The following THRB variants were observed in gnomAD, a reference collection of about 807,000 sequenced individuals.
THRB encodes thyroid hormone receptor beta, also known as nuclear receptor subfamily 1 group A member 2.
THRB carries 12 observed loss-of-function variants against 47.8 expected under a neutral mutation model. That is an observed-to-expected ratio of 0.25 (90% CI 0.16 to 0.41). The LOEUF (loss-of-function observed/expected upper bound fraction) is 0.41, where lower values mean the gene tolerates loss of function less well. Among genes scored for constraint, THRB ranks in the 10% least tolerant of loss-of-function variants. The pLI is 1.00. For synonymous variants in THRB, 218 were observed against 212.2 expected (o/e 1.03, Z -0.24); for missense variants, 348 against 589.2 (o/e 0.59, Z 4.24).
At chr3:24,328,814 G>C (rs964516374) in intron 2 of THRB, among the ~76,000 whole-genome samples, 1 of 152,052 alleles carries the variant, frequency 6.6e-6, no homozygotes, top group Non-Finnish European at 1.5e-5. Flanking sequence ...TATAAAACTG[G>C]ATCAAACAAT....
At chr3:24,150,687 G>C (rs1280000838) in intron 6 of THRB, among the ~76,000 whole-genome samples, 2 of 152,102 alleles carry the variant, frequency 1.3e-5, no homozygotes, top group Non-Finnish European at 2.9e-5. Flanking sequence ...TCCTCTGTAA[G>C]GCACATTCAC....
At chr3:24,326,487 C>T (rs570218861) in intron 2 of THRB, among the ~76,000 whole-genome samples, 6 of 152,252 alleles carry the variant, frequency 3.9e-5, no homozygotes, top group South Asian at 2.1e-4. Flanking sequence ...CCACCTGCCT[C>T]GGCCTCCCAA....
chr3:24,388,817 C>T (rs1257066046), intron 1 of THRB, among the ~76,000 whole-genome samples: 3 of 152,096 alleles, frequency 2.0e-5, no homozygotes, highest in Admixed American at 2.0e-4. Context: ...TAGCCTACTG[C>T]TTCCCTCAAC....
intron 1 of THRB, among the ~76,000 whole-genome samples, chr3:24,456,834 AG>A (rs1430124391): frequency 1.3e-5 from 2 of 152,036 alleles, no homozygotes; most frequent in African/African-American, 2.4e-5. Context: ...ACCATTAGTT[AG>A]CATCTAACTT....
At chr3:24,495,418 A>T (rs1240878198), upstream of THRB, 5 of 152,728 alleles carry the variant, frequency 3.3e-5, no homozygotes, top group African/African-American at 1.2e-4. Context: ...GCCGACCCCG[A>T]CCCCGACCCC....
chr3:24,203,702 G>T (rs901079355), intron 4 of THRB, among the ~76,000 whole-genome samples: 6 of 152,188 alleles, frequency 3.9e-5, no homozygotes, highest in African/African-American at 1.2e-4. Flanking sequence ...CCGAAGCAGG[G>T]CAAGGCATCA....
intron 5 of THRB, among the ~76,000 whole-genome samples, chr3:24,152,970 AAAAGAAAG>A (rs60859687): frequency 0.43 from 51,458 of 120,172 alleles, 9,937 homozygotes; most frequent in African/African-American, 0.56. Flanking sequence ...CAAAAAAAAA[AAAAGAAAG>A]AAAGAAAGAA....
At chr3:24,466,702 G>A (rs973939510) in intron 1 of THRB, among the ~76,000 whole-genome samples, 9 of 152,164 alleles carry the variant, frequency 5.9e-5, no homozygotes, top group Non-Finnish European at 1.0e-4. Context: ...AGTCTATTAA[G>A]TGTGCAATAG....
At chr3:24,144,236 C>T (rs372958836) in intron 7 of THRB, 23 of 176,840 alleles carry the variant, frequency 1.3e-4, no homozygotes, top group Non-Finnish European at 2.3e-4. Flanking sequence ...GACCCCAACT[C>T]TTCATGGCTC....
intron 1 of THRB, among the ~76,000 whole-genome samples, chr3:24,437,390 G>C (rs1479541305): frequency 2.6e-5 from 4 of 151,910 alleles, no homozygotes; most frequent in Non-Finnish European, 4.4e-5. Context: ...AGAAGGGTAG[G>C]GGGAAGATGA....
chr3:24,265,102 T>TG (rs1258938643), intron 3 of THRB, among the ~76,000 whole-genome samples: 4 of 152,058 alleles, frequency 2.6e-5, no homozygotes, highest in African/African-American at 7.2e-5. Context: ...ATCAGTAGAC[T>TG]GGGGGGAAGA....
At chr3:24,284,475 A>ACCC (rs1014421142) in intron 3 of THRB, among the ~76,000 whole-genome samples, 1 of 151,766 alleles carries the variant, frequency 6.6e-6, no homozygotes, top group Non-Finnish European at 1.5e-5. Flanking sequence ...AACCATAAAA[A>ACCC]CCCTAGAAGA....
chr3:24,360,131 A>G (rs1200764066), intron 1 of THRB, among the ~76,000 whole-genome samples: 1 of 152,036 alleles, frequency 6.6e-6, no homozygotes, highest in African/African-American at 2.4e-5. Flanking sequence ...TCTAAATTCC[A>G]GTGATAGTAG....
chr3:24,336,965 G>A (rs1463650038), intron 2 of THRB, among the ~76,000 whole-genome samples: 1 of 151,902 alleles, frequency 6.6e-6, no homozygotes, highest in Non-Finnish European at 1.5e-5. Context: ...CTCATGATCC[G>A]CCTGCCTTTT....
intron 1 of THRB, among the ~76,000 whole-genome samples, chr3:24,358,750 A>G (rs575697489): frequency 6.6e-6 from 1 of 152,184 alleles, no homozygotes; most frequent in African/African-American, 2.4e-5. Context: ...TTTCCTGTCA[A>G]TTCTCGCATG....
At chr3:24,422,770 G>A (rs1400407316) in intron 1 of THRB, among the ~76,000 whole-genome samples, 2 of 151,836 alleles carry the variant, frequency 1.3e-5, no homozygotes, top group African/African-American at 2.4e-5. Context: ...ACAATGAAGG[G>A]GTGACATAGA....
At chr3:24,210,314 C>T (rs896094285) in intron 4 of THRB, among the ~76,000 whole-genome samples, 1 of 152,128 alleles carries the variant, frequency 6.6e-6, no homozygotes, top group African/African-American at 2.4e-5. Context: ...TGCATGTTCC[C>T]TTCATGTGAA....
intron 1 of THRB, among the ~76,000 whole-genome samples, chr3:24,465,172 T>C (rs1485987691): frequency 1.3e-5 from 2 of 152,204 alleles, no homozygotes; most frequent in African/African-American, 4.8e-5. Context: ...AATTTTTAAT[T>C]CATCCTTAGT....
intron 4 of THRB, among the ~76,000 whole-genome samples, chr3:24,195,121 G>A (rs374579533): frequency 2.0e-4 from 30 of 152,144 alleles, no homozygotes; most frequent in Admixed American, 4.6e-4. Context: ...CAACCCATAA[G>A]GTTTAGCCTT....
Sources: gnomAD v4.1 joint callset for allele counts (sites outside exome capture counted in the v4.1 genomes callset) on GRCh38, gnomAD v4.1.1 for gene constraint, MANE v1.5 for transcripts, NCBI Gene and HGNC (gene_info 2026-07-23, HGNC 2026-07-21) for gene names.